The following ZFPM2 variants were observed in gnomAD, a reference collection of about 807,000 sequenced individuals.
ZFPM2 encodes the protein zinc finger protein, FOG family member 2.
Under a neutral mutation model 98.6 loss-of-function variants are expected in ZFPM2, and 20 were observed. The ratio of observed to expected loss-of-function variants is 0.20; its 90% CI spans 0.14 to 0.29. The LOEUF (loss-of-function observed/expected upper bound fraction) is 0.29. Among genes scored for constraint, ZFPM2 ranks in the 10% least tolerant of loss-of-function variants. ZFPM2 has a pLI of 1.00. For missense variants in ZFPM2, 1,310 were observed against 1,388.6 expected (o/e 0.94, Z 0.90); for synonymous variants, 518 against 502.7 (o/e 1.03, Z -0.41).
intron 1 of ZFPM2, among the ~76,000 whole-genome samples, chr8:105,341,269 A>G (rs539619198): frequency 4.1e-4 from 62 of 152,066 alleles, no homozygotes; most frequent in African/African-American, 1.4e-3. Context: ...GATTTTTCAG[A>G]CATGTCATTT....
At chr8:105,439,044 C>T (rs1457052101) in intron 2 of ZFPM2, among the ~76,000 whole-genome samples, 1 of 151,816 alleles carries the variant, frequency 6.6e-6, no homozygotes, top group African/African-American at 2.4e-5. Flanking sequence ...TCATATTTCT[C>T]ATTGTATTTT....
intron 3 of ZFPM2, among the ~76,000 whole-genome samples, chr8:105,510,738 A>G (rs997029295): frequency 8.4e-6 from 1 of 118,500 alleles, no homozygotes; most frequent in African/African-American, 5.5e-5. Flanking sequence ...CAATGACAAT[A>G]TAATAATAAG....
Position 105,393,332 on chromosome 8 carries a change from CTTTGCCTTTCTTTCTTTCTT to C in ZFPM2, c.41-25810_41-25791del, listed in dbSNP as rs1302402762. Among the ~76,000 whole-genome samples, 357 of 44,194 alleles carry C rather than the reference CTTTGCCTTTCTTTCTTTCTT, an allele frequency of 8.1e-3. 8 individuals carry two copies. Among genetic ancestry groups the C allele is most frequent in the African/African-American group, 0.026 (334 of 12,670 alleles). 29.0% of individuals were successfully genotyped at this position (44,194 alleles called of 152,430 possible). On this transcript the variant is annotated intron_variant, in intron 1 of 7. Coordinates refer to ENST00000407775, the MANE Select transcript of ZFPM2 (RefSeq NM_012082.4). ...TCCTTTCTTCCTTCCCTCTCTCTCT[CTTTGCCTTTCTTTCTTTCTT>C]TCTTTCTTTCTTTCTTTCTTTCTTT...
intron 5 of ZFPM2, among the ~76,000 whole-genome samples, chr8:105,690,107 T>C (rs184150108): frequency 7.9e-4 from 121 of 152,342 alleles, no homozygotes; most frequent in African/African-American, 2.7e-3. Context: ...GTTGCAAGAA[T>C]GGCACATGAC....
rs557030047 is a variant in ZFPM2 at position 105,790,453 on chromosome 8, A to G, written c.739+1529A>G. On this transcript the variant is annotated intron_variant, in intron 6 of 7. Coordinates refer to ENST00000407775, the MANE Select transcript of ZFPM2 (RefSeq NM_012082.4). ...TGTTCTGTTCCATTGATCTATATCTATCTCTATTTTGGTACCAGTACCATG... is the reference window on the plus strand; with the variant it reads ...TGTTCTGTTCCATTGATCTATATCTGTCTCTATTTTGGTACCAGTACCATG... Among the ~76,000 whole-genome samples, 393 of 152,176 alleles carry G rather than the reference A, an allele frequency of 2.6e-3. 2 individuals are homozygous for G. Among genetic ancestry groups the G allele is most frequent in the African/African-American group, 8.5e-3 (354 of 41,510 alleles).
At chr8:105,700,937 T>A (rs573064833) in intron 5 of ZFPM2, among the ~76,000 whole-genome samples, 1 of 152,302 alleles carries the variant, frequency 6.6e-6, no homozygotes, top group African/African-American at 2.4e-5. Flanking sequence ...ATTTTTTAAA[T>A]TACATTTTGT....
intron 5 of ZFPM2, among the ~76,000 whole-genome samples, chr8:105,710,183 C>A (rs1307714778): frequency 2.6e-5 from 4 of 151,612 alleles, no homozygotes; most frequent in Non-Finnish European, 4.4e-5. Context: ...TAAAGTTATG[C>A]TGCAGTTATA....
At chr8:105,320,658 AATTG>A (rs1475366504) in intron 1 of ZFPM2, among the ~76,000 whole-genome samples, 33 of 152,306 alleles carry the variant, frequency 2.2e-4, no homozygotes, top group African/African-American at 7.7e-4. Flanking sequence ...AATTAATATT[AATTG>A]ATTGTATGGC....
Position 105,798,935 on chromosome 8 carries a change from G to C in ZFPM2, c.951G>C (p.Leu317=). 2 of 1,613,728 alleles carry C rather than the reference G, an allele frequency of 1.2e-6. No homozygotes were observed. The highest frequency in any genetic ancestry group is 1.7e-6 in the Non-Finnish European group (2 of 1,179,674). ...ATGCTCGAGCTCTAGAAATGCACCT[G>C]AATTCACACAGTGGTAAATGCCCCT... ...FSNARALEMH[L]NSHSGVKMEE... is the part of the protein sequence containing the mutation. Residue 317 remains leucine, a synonymous_variant, in exon 7 of 8, where the codon CTG becomes CTC. Transcript: ENST00000407775.
At chr8:105,380,184 G>GAGTT (rs942990342) in intron 1 of ZFPM2, among the ~76,000 whole-genome samples, 4 of 152,070 alleles carry the variant, frequency 2.6e-5, no homozygotes, top group African/African-American at 7.2e-5. Context: ...AGGAGGAAGT[G>GAGTT]AGTTAGTTGA....
At chr8:105,459,225 G>T (rs924810329) in intron 3 of ZFPM2, among the ~76,000 whole-genome samples, 9 of 152,102 alleles carry the variant, frequency 5.9e-5, no homozygotes, top group African/African-American at 2.2e-4. Flanking sequence ...TTTTTGTTTT[G>T]TTTTGCTTTT....
intron 3 of ZFPM2, among the ~76,000 whole-genome samples, chr8:105,548,756 T>C (rs1162255694): frequency 6.6e-6 from 1 of 152,168 alleles, no homozygotes; most frequent in Non-Finnish European, 1.5e-5. Context: ...TTTTCCTTAC[T>C]GGTAAAATTT....
intron 5 of ZFPM2, among the ~76,000 whole-genome samples, chr8:105,647,830 A>ACACG (rs1817081744): frequency 6.6e-6 from 1 of 152,144 alleles, no homozygotes; most frequent in South Asian, 2.1e-4. Context: ...TAGCACCACA[A>ACACG]TAAATATACG....
At chr8:105,703,096 G>C (rs1811176483) in intron 5 of ZFPM2, among the ~76,000 whole-genome samples, 1 of 152,054 alleles carries the variant, frequency 6.6e-6, no homozygotes, top group Non-Finnish European at 1.5e-5. Flanking sequence ...ATTCTGTAGA[G>C]AAGGTTCTAG....
At chr8:105,467,267 G>A (rs771113230) in intron 3 of ZFPM2, among the ~76,000 whole-genome samples, 11 of 151,996 alleles carry the variant, frequency 7.2e-5, no homozygotes, top group Non-Finnish European at 1.6e-4. Context: ...TAAAATGAGA[G>A]TGATTTTGTC....
At chr8:105,356,586 T>C (rs1220892450) in intron 1 of ZFPM2, among the ~76,000 whole-genome samples, 1 of 152,188 alleles carries the variant, frequency 6.6e-6, no homozygotes, top group Non-Finnish European at 1.5e-5. Context: ...CTGTGAATAT[T>C]GACCCTTTTC....
At chr8:105,401,949 A>G (rs1191003545) in intron 1 of ZFPM2, among the ~76,000 whole-genome samples, 14 of 152,094 alleles carry the variant, frequency 9.2e-5, no homozygotes, top group Non-Finnish European at 1.5e-5. Flanking sequence ...GCATGGTAAC[A>G]TGTAATTTTG....
chr8:105,703,961 C>T (rs1811200505), intron 5 of ZFPM2, among the ~76,000 whole-genome samples: 1 of 152,092 alleles, frequency 6.6e-6, no homozygotes, highest in Non-Finnish European at 1.5e-5. Context: ...CTAGGCTTCA[C>T]CTCTCCTCTT....
intron 5 of ZFPM2, among the ~76,000 whole-genome samples, chr8:105,667,417 G>A (rs531417884): frequency 7.2e-5 from 11 of 152,290 alleles, no homozygotes; most frequent in Middle Eastern, 3.4e-3. Flanking sequence ...AAAATTGTGC[G>A]TAGGTAAAAT....
Sources: gnomAD v4.1 joint callset for allele counts (sites outside exome capture counted in the v4.1 genomes callset) on GRCh38, gnomAD v4.1.1 for gene constraint, MANE v1.5 for transcripts, NCBI Gene and HGNC (gene_info 2026-07-23, HGNC 2026-07-21) for gene names.